The following UNC13C variants were observed in gnomAD, a reference collection of about 807,000 sequenced individuals.
UNC13C encodes the protein unc-13 homolog C, also known as protein unc-13 homolog C.
Under a neutral mutation model 245.4 loss-of-function variants are expected in UNC13C, and 174 were observed. That is an observed-to-expected ratio of 0.71 (90% CI 0.63 to 0.80). The LOEUF (loss-of-function observed/expected upper bound fraction) is 0.80, where lower values mean the gene tolerates loss of function less well. Among genes scored for constraint, UNC13C ranks in the 30% least tolerant of loss-of-function variants. The probability of loss-of-function intolerance (pLI) is 0.00; values close to 1 mark genes in which losing one functional copy is unlikely to be tolerated. For synonymous variants in UNC13C, 992 were observed against 895.1 expected (o/e 1.11, Z -1.93); for missense variants, 2,829 against 2,602.9 (o/e 1.09, Z -1.89).
intron 30 of UNC13C, among the ~76,000 whole-genome samples, chr15:54,616,904 T>A (rs1194409427): frequency 6.6e-6 from 1 of 152,038 alleles, no homozygotes; most frequent in Non-Finnish European, 1.5e-5. Flanking sequence ...GTGTCTTGTT[T>A]TTATGTTTTA....
intron 14 of UNC13C, among the ~76,000 whole-genome samples, chr15:54,330,991 G>A (rs1330291731): frequency 6.6e-6 from 1 of 151,860 alleles, no homozygotes; most frequent in African/African-American, 2.4e-5. Flanking sequence ...TCAGAAAATT[G>A]GAGTTTCAGC....
chr15:54,619,064 G>A (rs1900633638), intron 30 of UNC13C, among the ~76,000 whole-genome samples: 1 of 152,086 alleles, frequency 6.6e-6, no homozygotes, highest in African/African-American at 2.4e-5. Context: ...GGTATAGTAA[G>A]GGGCAAGCAG....
chr15:54,507,046 G>C (rs957514724), intron 22 of UNC13C, 71 bp from the exon 23 acceptor site: 3 of 988,588 alleles, frequency 3.0e-6, no homozygotes, highest in Admixed American at 2.6e-5. Context: ...GTTAACTTAG[G>C]ATTAAACTTT....
At chr15:54,280,630 A>C (rs1352908427) in intron 10 of UNC13C, among the ~76,000 whole-genome samples, 1 of 148,122 alleles carries the variant, frequency 6.8e-6, no homozygotes, top group East Asian at 2.0e-4. Flanking sequence ...GTATACATAC[A>C]AGTATACATA....
At chr15:54,541,985 C>T (rs1896267002) in intron 26 of UNC13C, among the ~76,000 whole-genome samples, 1 of 151,940 alleles carries the variant, frequency 6.6e-6, no homozygotes, top group Non-Finnish European at 1.5e-5. Flanking sequence ...GGGTGAAAAT[C>T]GTGTGCTTTG....
the UNC13C span, among the ~76,000 whole-genome samples, chr15:53,916,862 G>A: frequency 3.9e-5 from 6 of 152,196 alleles, no homozygotes; most frequent in African/African-American, 1.4e-4. Flanking sequence ...CTGATGCACT[G>A]AAGCTGGGAT....
chr15:54,358,040 G>A (rs1215944310), intron 17 of UNC13C, among the ~76,000 whole-genome samples: 1 of 152,040 alleles, frequency 6.6e-6, no homozygotes, highest in African/African-American at 2.4e-5. Flanking sequence ...TACTCAGTAT[G>A]CAATCGAGCT....
At chr15:53,905,072 A>C in the UNC13C span, among the ~76,000 whole-genome samples, 1 of 152,196 alleles carries the variant, frequency 6.6e-6, no homozygotes, top group Non-Finnish European at 1.5e-5. Context: ...AATGCATAAC[A>C]CACGAAACTC....
At position 54,048,465 on chromosome 15, in the gene UNC13C, C is replaced by T. The variant is rs28489460; in HGVS notation, c.2983+32579C>T. The T allele has an allele frequency of 6.1e-3, 3,680 of 607,270 alleles. 123 individuals carry two copies. The African/African-American group carries it at 0.065, about 11-fold the overall frequency. The allele number at this position is 607,270 out of a possible 1,614,324, so 37.6% of individuals were successfully genotyped here. On this transcript the variant is annotated intron_variant, in intron 2 of 32. Transcript: ENST00000260323. ...GATCTGGATTGCTTGATAATGAGGC[C>T]AGCCTGAAGAAGTGCTATTTCAGCC...
chr15:54,442,250 CT>C lies in UNC13C; in HGVS notation c.4933+27201del, dbSNP rs35414078. Among the ~76,000 whole-genome samples the C allele has an allele frequency of 3.2e-3, 411 of 127,394 alleles. 5 individuals carry two copies. The South Asian group carries it at 0.038, about 12-fold the overall frequency. The allele number at this position is 127,394 out of a possible 152,430, so 83.6% of individuals were successfully genotyped here. ...GCATCTTTCACCACTTGTTCCAGTT[CT>C]TTTTTTTTTTTTTTTTTGAGACAGG... On this transcript the variant is annotated intron_variant, in intron 19 of 32. Coordinates refer to ENST00000260323, the MANE Select transcript of UNC13C (RefSeq NM_001080534.3).
chr15:54,283,625 T>C (rs765956246), intron 10 of UNC13C, among the ~76,000 whole-genome samples: 9 of 152,162 alleles, frequency 5.9e-5, no homozygotes, highest in Non-Finnish European at 1.2e-4. Flanking sequence ...ATTTGAATAA[T>C]GTAATTAGTT....
At chr15:54,115,827 G>A (rs8028866) in intron 2 of UNC13C, among the ~76,000 whole-genome samples, 95,584 of 151,680 alleles carry the variant, frequency 0.63, 30,133 homozygotes, top group East Asian at 0.72. Context: ...TTCCCTCAAG[G>A]CTCTCAATCT....
rs113656059 is a variant in UNC13C at position 54,161,232 on chromosome 15, G to A, written c.3071+17548G>A. Among the ~76,000 whole-genome samples, 844 of 152,148 alleles carry A rather than the reference G, an allele frequency of 5.5e-3. 13 individuals carry two copies. The highest frequency in any genetic ancestry group is 0.019 in the African/African-American group (807 of 41,494). ...TCCGACCTCAGCCTCCCAAATAGCCGAGACCACAGGTGCATGCTATTTGTT... is the reference window on the plus strand; with the variant it reads ...TCCGACCTCAGCCTCCCAAATAGCCAAGACCACAGGTGCATGCTATTTGTT... On this transcript the variant is annotated intron_variant, in intron 4 of 32. Transcript: ENST00000260323.
chr15:53,929,947 T>C, the UNC13C span, among the ~76,000 whole-genome samples: 1 of 152,196 alleles, frequency 6.6e-6, no homozygotes, highest in Admixed American at 6.5e-5. Context: ...AGATATATCT[T>C]ACTGTGTAAC....
chr15:54,152,566 A>G (rs1032589133), intron 4 of UNC13C, among the ~76,000 whole-genome samples: 10 of 152,148 alleles, frequency 6.6e-5, no homozygotes, highest in African/African-American at 2.2e-4. Flanking sequence ...CTTGAGTTTG[A>G]AGAGTAGCAA....
At chr15:54,438,850 A>C (rs73419645) in intron 19 of UNC13C, among the ~76,000 whole-genome samples, 1,689 of 152,086 alleles carry the variant, frequency 0.011, 37 homozygotes, top group African/African-American at 0.039. Context: ...ATCGCTAAGT[A>C]ACATTAAGTT....
intron 20 of UNC13C, among the ~76,000 whole-genome samples, chr15:54,497,074 A>G (rs1226394220): frequency 6.6e-6 from 1 of 152,140 alleles, no homozygotes; most frequent in African/African-American, 2.4e-5. Flanking sequence ...GGAATAGAGA[A>G]GTAAAACAGA....
intron 17 of UNC13C, among the ~76,000 whole-genome samples, chr15:54,381,281 G>A (rs146506178): frequency 6.6e-6 from 1 of 152,184 alleles, no homozygotes; most frequent in Non-Finnish European, 1.5e-5. Flanking sequence ...TTATTTTTCA[G>A]CTCTCTATTC....
chr15:53,937,532 A>G, the UNC13C span, among the ~76,000 whole-genome samples: 1 of 152,184 alleles, frequency 6.6e-6, no homozygotes, highest in Non-Finnish European at 1.5e-5. Context: ...AAATGCAGAG[A>G]ACCCCAGTAA....
Sources: allele counts gnomAD v4.1 joint callset (sites outside exome capture counted in the v4.1 genomes callset), GRCh38; gene constraint gnomAD v4.1.1; transcripts MANE v1.5; gene names NCBI Gene and HGNC (gene_info 2026-07-23, HGNC 2026-07-21).